The following CUX1 variants were observed in gnomAD, a reference collection of about 807,000 sequenced individuals.
CUX1 encodes protein CASP.
In CUX1, 31 loss-of-function variants were observed where a neutral mutation model predicts 158.8. The ratio of observed to expected loss-of-function variants is 0.20; its 90% confidence interval spans 0.15 to 0.26. The LOEUF (loss-of-function observed/expected upper bound fraction) is 0.26, where lower values mean the gene tolerates loss of function less well. Among genes scored for constraint, CUX1 ranks in the 10% least tolerant of loss-of-function variants. The probability of loss-of-function intolerance (pLI) is 1.00; values close to 1 mark genes in which losing one functional copy is unlikely to be tolerated. For synonymous variants in CUX1, 879 were observed against 862.1 expected (o/e 1.02, Z -0.34); for missense variants, 1,589 against 2,014.6 (o/e 0.79, Z 4.04).
At position 101,923,668 on chromosome 7, in the gene CUX1, G is replaced by C. The variant is rs74708603; in HGVS notation, c.141+7443G>C. Among the ~76,000 whole-genome samples the C allele has an allele frequency of 9.8e-5, 15 of 152,330 alleles. No individual in the cohort carries two copies. The East Asian group carries it at 2.5e-3, about 25-fold the overall frequency. ...TGGAACGTTAATCCCAACGATGCCTGGTCTGCGGTGCTCACAGTCTGTGTC... is the reference window on the plus strand; with the variant it reads ...TGGAACGTTAATCCCAACGATGCCTCGTCTGCGGTGCTCACAGTCTGTGTC... On this transcript the variant is annotated intron_variant, in intron 2 of 23. Transcript: ENST00000292535.
intron 2 of CUX1, among the ~76,000 whole-genome samples, chr7:101,999,217 C>CTTTTTTTTTTTTTTTTTT (rs3988167): frequency 1.2e-5 from 1 of 85,834 alleles, no homozygotes; most frequent in Non-Finnish European, 2.0e-5. Flanking sequence ...TTTTTTTTAC[C>CTTTTTTTTTTTTTTTTTT]TTTTTTTTTT....
chr7:102,195,617 G>A lies in CUX1; in HGVS notation c.1222+14G>A. On this transcript the variant is annotated intron_variant, in intron 14 of 23. Transcript: ENST00000292535. ...GCGACCTGAGCGGTAGGTTGGCCGG[G>A]CTTCGCGCGTGTGCGGTGGTTGGTT... The A allele has an allele frequency of 6.3e-7, 1 of 1,593,348 alleles. No homozygotes were observed. The highest frequency in any genetic ancestry group is 1.3e-5 in the African/African-American group (1 of 74,908).
chr7:102,236,808 C>G (rs543372779), intron 22 of CUX1, among the ~76,000 whole-genome samples: 2 of 152,168 alleles, frequency 1.3e-5, no homozygotes, highest in East Asian at 1.9e-4. Context: ...CCTTAGTCCC[C>G]GCAAATACAT....
chr7:102,234,610 G>T (rs1024780087), intron 22 of CUX1, among the ~76,000 whole-genome samples: 7 of 152,084 alleles, frequency 4.6e-5, no homozygotes, highest in Non-Finnish European at 7.4e-5. Flanking sequence ...TTTGTTATCA[G>T]AGAGAGAAAT....
intron 13 of CUX1, among the ~76,000 whole-genome samples, chr7:102,194,895 A>G (rs1794629636): frequency 6.6e-6 from 1 of 151,986 alleles, no homozygotes; most frequent in South Asian, 2.1e-4. Context: ...GTGGTGGCGC[A>G]CGTCTGTAAT....
At chr7:101,912,700 C>T (rs896126466) in intron 1 of CUX1, among the ~76,000 whole-genome samples, 9 of 152,140 alleles carry the variant, frequency 5.9e-5, no homozygotes, top group Non-Finnish European at 1.0e-4. Flanking sequence ...CATTGTGTTG[C>T]GGTTTGCTTT....
rs571247697 is a variant in CUX1, at chr7:102,034,935, A to AAAAC, written c.189+6806_189+6809dup. Reference sequence around the variant, plus strand: ...GGCAACAGATCAAGATTCCATCTCAAAAACAAACAAACAAACAAAAAACCC... The same window carrying AAAAC: ...GGCAACAGATCAAGATTCCATCTCAAAAACAAACAAACAAACAAACAAAAAACCC... On this transcript the variant is annotated intron_variant, in intron 3 of 23. Transcript: ENST00000292535. 1.1e-4 allele frequency among the ~76,000 whole-genome samples: 16 copies of AAAAC among 152,138 alleles called. 1 individual carries two copies. The highest frequency in any genetic ancestry group is 9.6e-5 in the African/African-American group (4 of 41,522).
chr7:102,238,632 C>A (rs1391690994), intron 22 of CUX1, among the ~76,000 whole-genome samples: 1 of 152,108 alleles, frequency 6.6e-6, no homozygotes, highest in Non-Finnish European at 1.5e-5. Context: ...GCCTCGGTAC[C>A]TGGGTGGCTT....
chr7:102,147,621 C>T (rs928679757), intron 8 of CUX1, among the ~76,000 whole-genome samples: 1 of 152,160 alleles, frequency 6.6e-6, no homozygotes, highest in South Asian at 2.1e-4. Flanking sequence ...AGAATTCTAC[C>T]CTTTCTGCCC....
At chr7:101,845,376 A>G (rs1795582510) in intron 1 of CUX1, among the ~76,000 whole-genome samples, 1 of 152,122 alleles carries the variant, frequency 6.6e-6, no homozygotes, top group Non-Finnish European at 1.5e-5. Flanking sequence ...GATTGTTGAG[A>G]TGGGCGATTG....
At chr7:101,879,175 T>C (rs935928822) in intron 1 of CUX1, among the ~76,000 whole-genome samples, 3 of 152,166 alleles carry the variant, frequency 2.0e-5, no homozygotes, top group Non-Finnish European at 4.4e-5. Context: ...GCAGCTGAAC[T>C]GAAGTCTTGA....
chr7:102,201,276 C>A lies in CUX1; in HGVS notation c.2063-84C>A. 2 of 1,541,408 alleles carry A rather than the reference C, an allele frequency of 1.3e-6. No individual in the cohort carries two copies. The highest frequency in any genetic ancestry group is 2.5e-5 in the South Asian group (2 of 81,068). On this transcript the variant is annotated intron_variant, in intron 17 of 23. Coordinates refer to ENST00000292535, the MANE Select transcript of CUX1 (RefSeq NM_181552.4). The surrounding 1 kb of genome is among the most constrained non-coding windows in gnomAD (Gnocchi z 5.0). ...GTTCTCCCAAATAACCCACACTTTG[C>A]AGTAGGTCAAGTTAGGATGAGAAGC...
chr7:102,013,783 C>T (rs1285579805), intron 2 of CUX1, among the ~76,000 whole-genome samples: 1 of 152,274 alleles, frequency 6.6e-6, no homozygotes, highest in East Asian at 1.9e-4. Context: ...CGGCTCACTG[C>T]ACCCTCGACC....
chr7:101,857,163 G>A (rs544980768), intron 1 of CUX1, among the ~76,000 whole-genome samples: 1 of 152,324 alleles, frequency 6.6e-6, no homozygotes, highest in East Asian at 1.9e-4. Flanking sequence ...TTAGCGTCAC[G>A]TGGGTCCTGA....
At chr7:102,088,381 CCAA>C (rs2130816887) in intron 4 of CUX1, among the ~76,000 whole-genome samples, 1 of 152,132 alleles carries the variant, frequency 6.6e-6, no homozygotes, top group Non-Finnish European at 1.5e-5. Flanking sequence ...GCCTGTAATC[CCAA>C]CACTTTGGGA....
intron 1 of CUX1, among the ~76,000 whole-genome samples, chr7:101,864,535 A>G (rs1049327008): frequency 4.6e-5 from 7 of 151,266 alleles, no homozygotes; most frequent in African/African-American, 1.5e-4. Flanking sequence ...TTTGATTTGC[A>G]TTTCCCTAAT....
At chr7:101,855,235 C>T (rs1032869167) in intron 1 of CUX1, among the ~76,000 whole-genome samples, 2 of 152,242 alleles carry the variant, frequency 1.3e-5, no homozygotes, top group East Asian at 1.9e-4. Flanking sequence ...AAACCCTGGC[C>T]GCCTTTCCAA....
intron 20 of CUX1, among the ~76,000 whole-genome samples, chr7:102,207,189 G>A (rs533001540): frequency 2.6e-5 from 4 of 152,212 alleles, no homozygotes; most frequent in South Asian, 2.1e-4. Flanking sequence ...GGGCAATCTC[G>A]CAGATTGGAA....
chr7:102,280,025 CT>C (rs1791938896), intron 18 of CUX1: 3 of 1,578,754 alleles, frequency 1.9e-6, no homozygotes, highest in Non-Finnish European at 2.6e-6. Context: ...CTTCCCCTCC[CT>C]GTCTGTGCAG....
Sources: gnomAD v4.1 joint callset for allele counts (sites outside exome capture counted in the v4.1 genomes callset) on GRCh38, gnomAD v4.1.1 for gene constraint, Gnocchi (gnomAD v3.1) non-coding constraint, MANE v1.5 for transcripts, NCBI Gene and HGNC (gene_info 2026-07-23, HGNC 2026-07-21) for gene names.